The following UGDH variants were observed in gnomAD, a reference collection of about 807,000 sequenced individuals.
UGDH encodes UDP-glucose 6-dehydrogenase.
In UGDH, 38 loss-of-function variants were observed where a neutral mutation model predicts 50.6. That is an observed-to-expected ratio of 0.75 (90% CI 0.58 to 0.98). UGDH has a LOEUF of 0.98. Among genes scored for constraint, UGDH ranks in the 50% least tolerant of loss-of-function variants. UGDH has a pLI of 0.00. For synonymous variants in UGDH, 168 were observed against 199.9 expected (o/e 0.84, Z 1.35); for missense variants, 465 against 606.2 (o/e 0.77, Z 2.45).
chr4:39,527,357 G>A lies in UGDH; in HGVS notation c.-82C>T, dbSNP rs574851059. The A allele has an allele frequency of 7.3e-5, 18 of 244,980 alleles. No individual in the cohort carries two copies. The East Asian group carries it at 2.1e-3, about 28-fold the overall frequency. The allele number at this position is 244,980 out of a possible 1,614,324, so 15.2% of individuals were successfully genotyped here. A position where few individuals can be genotyped will look rare whatever the true frequency, so the allele number is the denominator to read the frequency against. On this transcript the variant is annotated 5_prime_UTR_variant, in exon 1 of 12. Coordinates refer to ENST00000316423, the MANE Select transcript of UGDH (RefSeq NM_003359.4). ...ACAGCACCTTCCTACGGGCCGCGCC[G>A]CCGCAGCTTCTCCACCCGCGCCCCG...
At chr4:39,518,292 T>C (rs1343704197) in intron 2 of UGDH, among the ~76,000 whole-genome samples, 1 of 152,114 alleles carries the variant, frequency 6.6e-6, no homozygotes, top group Non-Finnish European at 1.5e-5. Flanking sequence ...TTAGTGCACA[T>C]ATGTATGCAT....
Position 39,508,504 on chromosome 4 carries a change from G to T in UGDH, c.906+62C>A, listed in dbSNP as rs1306190835. On this transcript the variant is annotated intron_variant, in intron 7 of 11. Transcript: ENST00000316423. ...TTGCCTTGGCTTCCTAAAGTGCTGC[G>T]ATTACAGGTGTGAACCACTATGCCT... 7 of 1,509,150 alleles carry T rather than the reference G, an allele frequency of 4.6e-6. No homozygotes were observed. In the South Asian group the frequency reaches 8.2e-5, roughly 18 times the overall value. 93.5% of individuals were successfully genotyped at this position (1,509,150 alleles called of 1,614,324 possible). A position where few individuals can be genotyped will look rare whatever the true frequency, so the allele number is the denominator to read the frequency against.
At chr4:39,523,529 G>A (rs1017120413) in intron 1 of UGDH, among the ~76,000 whole-genome samples, 1 of 152,004 alleles carries the variant, frequency 6.6e-6, no homozygotes, top group African/African-American at 2.4e-5. Context: ...TTCTGGCCAG[G>A]CACGGTGGCT....
chr4:39,514,260 A>C (rs1285775828), intron 2 of UGDH, 76 bp from the exon 3 acceptor site: 3 of 1,153,316 alleles, frequency 2.6e-6, no homozygotes, highest in Non-Finnish European at 3.8e-6. Context: ...ATAGAATTAC[A>C]TTTGTTAAAG....
chr4:39,520,383 A>G (rs1386214022), intron 2 of UGDH, among the ~76,000 whole-genome samples: 1 of 152,236 alleles, frequency 6.6e-6, no homozygotes, highest in African/African-American at 2.4e-5. Flanking sequence ...GGGGAAAAAT[A>G]TAAACATATT....
At chr4:39,505,432 G>T in intron 8 of UGDH, 62 bp from the exon 9 acceptor site, 1 of 1,354,122 alleles carries the variant, frequency 7.4e-7, no homozygotes. Context: ...TAATACCAGG[G>T]AGTTTAAGAT....
chr4:39,521,900 C>T (rs570989819), intron 1 of UGDH, among the ~76,000 whole-genome samples: 6 of 152,276 alleles, frequency 3.9e-5, no homozygotes, highest in Admixed American at 6.5e-5. Flanking sequence ...CATACTTGTA[C>T]GATTCTTGCT....
At chr4:39,505,204 A>T in intron 9 of UGDH, 33 bp downstream of exon 9, 1 of 1,564,528 alleles carries the variant, frequency 6.4e-7, no homozygotes, top group South Asian at 1.3e-5. Context: ...TCAGGTCTGG[A>T]CTCAAAATGA....
At chr4:39,518,608 C>T (rs978468301) in intron 2 of UGDH, among the ~76,000 whole-genome samples, 2 of 144,058 alleles carry the variant, frequency 1.4e-5, no homozygotes, top group Non-Finnish European at 3.0e-5. Flanking sequence ...TGAGCCACCG[C>T]GGTTGGCCTT....
chr4:39,515,582 T>TAA (rs59182947), intron 2 of UGDH, among the ~76,000 whole-genome samples: 4 of 149,936 alleles, frequency 2.7e-5, no homozygotes, highest in Non-Finnish European at 5.9e-5. Context: ...AATATTCTTA[T>TAA]AAAAAAAAAA....
intron 1 of UGDH, among the ~76,000 whole-genome samples, chr4:39,522,297 T>C (rs1048074827): frequency 1.3e-5 from 2 of 152,210 alleles, no homozygotes; most frequent in African/African-American, 2.4e-5. Flanking sequence ...TTATCCGTTA[T>C]AATGAGAACT....
Position 39,510,450 on chromosome 4 carries a change from T to C in UGDH, c.566A>G (p.Gln189Arg), listed in dbSNP as rs1282156495. Residue 189 changes from glutamine to arginine, a missense_variant, in exon 5 of 12, where the codon CAG becomes CGG. Transcript: ENST00000316423. ...LIGGDETPEG[Q>R]RAVQALCAVY... ...AGCACACAGGGCCTGCACAGCTCTC[T>C]GGCCCTCTGGAGTTTCATCCCCTCC... 2 of 1,614,098 alleles carry C rather than the reference T, an allele frequency of 1.2e-6. No individual in the cohort carries two copies. Among genetic ancestry groups the C allele is most frequent in the East Asian group, 4.5e-5 (2 of 44,898 alleles).
intron 2 of UGDH, among the ~76,000 whole-genome samples, chr4:39,517,905 T>G (rs982940583): frequency 6.6e-6 from 1 of 151,958 alleles, no homozygotes; most frequent in African/African-American, 2.4e-5. Context: ...TATTATAAAA[T>G]AATTCATGTA....
At chr4:39,512,638 A>G (rs1746285462) in intron 3 of UGDH, among the ~76,000 whole-genome samples, 1 of 152,054 alleles carries the variant, frequency 6.6e-6, no homozygotes, top group Non-Finnish European at 1.5e-5. Flanking sequence ...TGGTCACCTA[A>G]AAATTAGACT....
intron 2 of UGDH, among the ~76,000 whole-genome samples, chr4:39,518,216 C>A (rs1033527773): frequency 1.3e-5 from 2 of 152,220 alleles, no homozygotes; most frequent in African/African-American, 4.8e-5. Context: ...CAGGCGTGAA[C>A]CACCGCACCC....
At chr4:39,524,715 G>A (rs1165350441) in intron 1 of UGDH, among the ~76,000 whole-genome samples, 1 of 152,082 alleles carries the variant, frequency 6.6e-6, no homozygotes, top group African/African-American at 2.4e-5. Context: ...CACCATGTGG[G>A]CCAGGCTGGT....
At chr4:39,518,335 C>T (rs1746513141) in intron 2 of UGDH, among the ~76,000 whole-genome samples, 1 of 151,942 alleles carries the variant, frequency 6.6e-6, no homozygotes, top group Admixed American at 6.6e-5. Flanking sequence ...ATTGCTGGAT[C>T]ACAGACTAAT....
At chr4:39,511,107 G>C (rs1746228691) in intron 3 of UGDH, among the ~76,000 whole-genome samples, 1 of 152,058 alleles carries the variant, frequency 6.6e-6, no homozygotes. Flanking sequence ...GGATAACTAG[G>C]GCAGGCAGAT....
At position 39,499,275 on chromosome 4, in the gene UGDH, T is replaced by C. The variant is rs1745699207; in HGVS notation, c.*868A>G. ...TTTCTCTTCATGATTAAAAAAAAAA[T>C]CTTTTAACCATATTTGGGGTGACTG... On this transcript the variant is annotated 3_prime_UTR_variant, in exon 12 of 12. Transcript: ENST00000316423. 1 of 151,352 alleles carries C rather than the reference T, an allele frequency of 6.6e-6. No individual in the cohort carries two copies. The highest frequency in any genetic ancestry group is 6.6e-5 in the Admixed American group (1 of 15,180). The allele number at this position is 151,352 out of a possible 1,614,324, so 9.4% of individuals were successfully genotyped here.
Sources: gnomAD v4.1 joint callset for allele counts (sites outside exome capture counted in the v4.1 genomes callset) on GRCh38, gnomAD v4.1.1 for gene constraint, MANE v1.5 for transcripts, NCBI Gene and HGNC (gene_info 2026-07-23, HGNC 2026-07-21) for gene names.